ANK3: variants seen among roughly 807,000 people sequenced by gnomAD.
ANK3 encodes the protein ankyrin 3, also known as ankyrin-3.
A neutral mutation model predicts 370.9 loss-of-function variants in ANK3; 57 were observed. That is an observed-to-expected ratio of 0.15 (90% confidence interval 0.12 to 0.19). ANK3 has a LOEUF of 0.19. Ranked by LOEUF, ANK3 falls within the 10% of genes least tolerant of loss-of-function variation. The pLI is 1.00. For missense variants in ANK3, 4,439 were observed against 5,302.1 expected (o/e 0.84, Z 5.06); for synonymous variants, 1,929 against 1,946.3 (o/e 0.99, Z 0.23).
intron 1 of ANK3, among the ~76,000 whole-genome samples, chr10:60,630,840 C>T (rs2078472794): frequency 6.6e-6 from 1 of 152,142 alleles, no homozygotes; most frequent in Non-Finnish European, 1.5e-5. Context: ...GTTTTTATGA[C>T]TGTGTGGACA....
At chr10:60,490,615 T>G (rs904789732) in intron 2 of ANK3, among the ~76,000 whole-genome samples, 1 of 152,218 alleles carries the variant, frequency 6.6e-6, no homozygotes, top group Non-Finnish European at 1.5e-5. Context: ...TCCTCTCTCC[T>G]GCTCAAGCAC....
chr10:60,565,203 T>A (rs1341960502), intron 2 of ANK3, among the ~76,000 whole-genome samples: 1 of 152,176 alleles, frequency 6.6e-6, no homozygotes, highest in African/African-American at 2.4e-5. Context: ...GAACACAATT[T>A]TTCCACAGAT....
At chr10:60,471,433 G>A (rs185296685) in intron 2 of ANK3, among the ~76,000 whole-genome samples, 46 of 152,204 alleles carry the variant, frequency 3.0e-4, no homozygotes, top group Middle Eastern at 3.4e-3. Context: ...CTATGCTGAA[G>A]ATCTTCCCAT....
At chr10:60,545,231 C>G (rs1306402824) in intron 2 of ANK3, among the ~76,000 whole-genome samples, 1 of 151,530 alleles carries the variant, frequency 6.6e-6, no homozygotes, top group Non-Finnish European at 1.5e-5. Context: ...AGATGGAAGC[C>G]AAATCATACA....
intron 43 of ANK3, among the ~76,000 whole-genome samples, chr10:60,041,846 A>G (rs2076142657): frequency 6.6e-6 from 1 of 152,230 alleles, no homozygotes; most frequent in Non-Finnish European, 1.5e-5. Context: ...AGCACTCTGC[A>G]TACCAGTATT....
chr10:60,522,432 TAA>T (rs572133617), intron 2 of ANK3, among the ~76,000 whole-genome samples: 1 of 151,586 alleles, frequency 6.6e-6, no homozygotes, highest in East Asian at 1.9e-4. Context: ...TTTGCTAGAT[TAA>T]AAAAAATTCC....
chr10:60,338,149 T>C (rs866541156), intron 1 of ANK3, among the ~76,000 whole-genome samples: 2 of 152,172 alleles, frequency 1.3e-5, no homozygotes, highest in Non-Finnish European at 2.9e-5. Flanking sequence ...ACTCTGAGGT[T>C]CAGTATAGTG....
Position 60,722,950 on chromosome 10 carries a change from C to T in ANK3, c.57+10313G>A, listed in dbSNP as rs576056267. Among the ~76,000 whole-genome samples the T allele has an allele frequency of 2.0e-5, 3 of 152,284 alleles. No individual in the cohort carries two copies. In the South Asian group the frequency reaches 6.2e-4, roughly 32 times the overall value. ...GTAGAACCATGAGCCAACTAATAAA[C>T]CTATTTTCTTTATAAATTGCCCAGT... On this transcript the variant is annotated intron_variant, in intron 1 of 43. Coordinates refer to the ANK3 transcript ENST00000373827.
At chr10:60,478,344 A>G (rs917963822) in intron 2 of ANK3, among the ~76,000 whole-genome samples, 1 of 152,132 alleles carries the variant, frequency 6.6e-6, no homozygotes, top group Non-Finnish European at 1.5e-5. Context: ...AATGCTAAAA[A>G]AATCTGTAGC....
chr10:60,056,749 C>T (rs1001031743), intron 41 of ANK3, among the ~76,000 whole-genome samples: 2 of 152,142 alleles, frequency 1.3e-5, no homozygotes, highest in African/African-American at 4.8e-5. Context: ...GCTGGCCGGA[C>T]TCAGTGGTTC....
In ANK3 at chr10:60,563,662, C is replaced by G. The variant is rs945612106; in HGVS notation, c.96+51524G>C. Among the ~76,000 whole-genome samples the G allele has an allele frequency of 5.9e-5, 9 of 152,068 alleles. 1 individual carries two copies. The South Asian group carries it at 1.9e-3, about 32-fold the overall frequency. ...GCTCAGGTCAGGTCAGATTTTGCCG[C>G]CAAAGAAGTTAAGGAAAAAATTTCA... is the stretch of plus-strand genomic sequence containing the variant. On this transcript the variant is annotated intron_variant, in intron 2 of 43. Transcript: ENST00000373827.
chr10:60,363,131 G>A (rs1348611225), intron 1 of ANK3, among the ~76,000 whole-genome samples: 3 of 152,064 alleles, frequency 2.0e-5, no homozygotes, highest in African/African-American at 7.2e-5. Context: ...TCTGGCCAGC[G>A]GGATATAAAC....
At chr10:60,151,789 A>G (rs1256777513) in intron 23 of ANK3, among the ~76,000 whole-genome samples, 2 of 152,238 alleles carry the variant, frequency 1.3e-5, no homozygotes, top group South Asian at 2.1e-4. Context: ...CTAAATTACC[A>G]GACAACATCT....
chr10:60,343,069 G>A (rs1271820578), intron 1 of ANK3, among the ~76,000 whole-genome samples: 1 of 152,100 alleles, frequency 6.6e-6, no homozygotes, highest in African/African-American at 2.4e-5. Context: ...AAGCAATCAA[G>A]GACAGGAGGA....
intron 41 of ANK3, among the ~76,000 whole-genome samples, chr10:60,056,310 A>G (rs1165230266): frequency 6.6e-6 from 1 of 152,044 alleles, no homozygotes; most frequent in Non-Finnish European, 1.5e-5. Flanking sequence ...CTCTACTAAA[A>G]ATACTAAAAT....
At chr10:60,594,417 T>C (rs2077959183) in intron 2 of ANK3, among the ~76,000 whole-genome samples, 2 of 152,204 alleles carry the variant, frequency 1.3e-5, no homozygotes, top group Non-Finnish European at 2.9e-5. Context: ...CATTTTTCAG[T>C]TAAAGACCTT....
chr10:60,069,844 T>C lies in ANK3; in HGVS notation c.11037A>G (p.Thr3679=). The C allele has an allele frequency of 3.1e-6, 5 of 1,614,134 alleles. No homozygotes were observed. Among genetic ancestry groups the C allele is most frequent in the Non-Finnish European group, 4.2e-6 (5 of 1,180,004 alleles). ...TNLERNVETP[T]VEPNPSIPTS... Reference sequence around the variant, plus strand: ...TCGGGATGCTGGGGTTAGGTTCCACTGTAGGTGTCTCTACATTTCTCTCTA... The same window carrying C: ...TCGGGATGCTGGGGTTAGGTTCCACCGTAGGTGTCTCTACATTTCTCTCTA... The change falls in exon 37 of 44, where the codon ACA becomes ACG. Residue 3679 remains threonine (T), a synonymous_variant. Coordinates refer to ENST00000280772, the MANE Select transcript of ANK3 (RefSeq NM_020987.5).
rs144709266 is a variant in ANK3, at chr10:60,308,601, T to C, written c.115-28962A>G. On this transcript the variant is annotated intron_variant, in intron 1 of 43. Coordinates refer to ENST00000280772, the MANE Select transcript of ANK3 (RefSeq NM_020987.5). The stretch of plus-strand genomic sequence containing the variant: ...GGAATCTGGTGTTGGATGTCTGTTG[T>C]TGGGACCATGAGGTCAAGGACTCAA... Among the ~76,000 whole-genome samples, 506 of 152,146 alleles carry C rather than the reference T, an allele frequency of 3.3e-3. 4 individuals carry two copies. The highest frequency in any genetic ancestry group is 0.012 in the African/African-American group (478 of 41,506).
At chr10:60,224,884 T>C (rs2097113877) in intron 8 of ANK3, among the ~76,000 whole-genome samples, 1 of 151,594 alleles carries the variant, frequency 6.6e-6, no homozygotes, top group African/African-American at 2.4e-5. Context: ...ATAGCTAAGC[T>C]CTTTTCTTTT....
Sources: gnomAD v4.1 joint callset for allele counts (sites outside exome capture counted in the v4.1 genomes callset) on GRCh38, gnomAD v4.1.1 for gene constraint, MANE v1.5 for transcripts, NCBI Gene and HGNC (gene_info 2026-07-23, HGNC 2026-07-21) for gene names.